RAB38: variants seen among roughly 807,000 people sequenced by gnomAD.
The protein encoded by RAB38 is RAB38, member RAS oncogene family, also known as ras-related protein Rab-38.
Under a neutral mutation model 18.4 loss-of-function variants are expected in RAB38, and 15 were observed. The observed-to-expected ratio is 0.82, with a 90% CI of 0.55 to 1.26. The LOEUF is 1.26. Ranked by LOEUF, RAB38 falls within the 50% of genes most tolerant of loss-of-function variation. The pLI is 0.00. For synonymous variants in RAB38, 101 were observed against 104.4 expected, an observed-to-expected ratio of 0.97 and a Z score of 0.20; for missense variants, 294 against 267.4, an observed-to-expected ratio of 1.10 and a Z score of -0.69.
chr11:88,029,252 C>T, the RAB38 span, among the ~76,000 whole-genome samples: 1 of 152,032 alleles, frequency 6.6e-6, no homozygotes, highest in South Asian at 2.1e-4. Flanking sequence ...AAAGGAACAA[C>T]CGGTACCAGC....
At chr11:87,871,894 A>T in the RAB38 span, among the ~76,000 whole-genome samples, 10 of 151,586 alleles carry the variant, frequency 6.6e-5, no homozygotes, top group African/African-American at 2.4e-4. Flanking sequence ...CATATTAACC[A>T]TTCTATTACT....
chr11:87,922,714 G>A, the RAB38 span, among the ~76,000 whole-genome samples: 1 of 151,746 alleles, frequency 6.6e-6, no homozygotes, highest in South Asian at 2.1e-4. Flanking sequence ...ATTTTTTTAT[G>A]CCAACAACTT....
chr11:88,012,422 G>A, the RAB38 span, among the ~76,000 whole-genome samples: 1 of 152,068 alleles, frequency 6.6e-6, no homozygotes, highest in African/African-American at 2.4e-5. Context: ...GAAGACGGTG[G>A]GAACCAAGCA....
chr11:87,804,089 G>A, the RAB38 span, among the ~76,000 whole-genome samples: 2 of 152,106 alleles, frequency 1.3e-5, no homozygotes, highest in African/African-American at 4.8e-5. Context: ...GAACCAACTA[G>A]GTTTAACTCT....
chr11:87,888,125 T>C, the RAB38 span, among the ~76,000 whole-genome samples: 4 of 152,032 alleles, frequency 2.6e-5, no homozygotes, highest in East Asian at 5.9e-4. Context: ...CTAGGACACA[T>C]AATCCTCTTC....
chr11:88,154,054 G>A (rs1056925536), intron 1 of RAB38, among the ~76,000 whole-genome samples: 2 of 152,172 alleles, frequency 1.3e-5, no homozygotes, highest in African/African-American at 4.8e-5. Context: ...TGTGAGAGAG[G>A]CAGAGAGCCT....
chr11:88,171,921 A>C (rs1943315929), intron 1 of RAB38, among the ~76,000 whole-genome samples: 1 of 152,256 alleles, frequency 6.6e-6, no homozygotes, highest in African/African-American at 2.4e-5. Context: ...AATTTTCAGA[A>C]ATAGATTTTA....
the RAB38 span, among the ~76,000 whole-genome samples, chr11:87,822,032 A>T: frequency 6.6e-6 from 1 of 152,220 alleles, no homozygotes; most frequent in East Asian, 1.9e-4. Context: ...TGCCTCTTCT[A>T]ATTACTGCAG....
the RAB38 span, among the ~76,000 whole-genome samples, chr11:87,876,649 C>G: frequency 6.6e-6 from 1 of 151,474 alleles, no homozygotes; most frequent in Admixed American, 6.6e-5. Flanking sequence ...TTCTTTAGGG[C>G]TCATGCACAT....
intron 1 of RAB38, among the ~76,000 whole-genome samples, chr11:88,165,336 C>T (rs1565221685): frequency 6.6e-6 from 1 of 152,018 alleles, no homozygotes; most frequent in East Asian, 1.9e-4. Context: ...GCTTGTTTAT[C>T]TTTTTTCTGG....
the RAB38 span, among the ~76,000 whole-genome samples, chr11:88,053,859 T>G: frequency 6.6e-6 from 1 of 151,752 alleles, no homozygotes; most frequent in African/African-American, 2.4e-5. Context: ...AATGTTTGAA[T>G]GAATAAGATG....
At chr11:87,921,203 T>G in the RAB38 span, among the ~76,000 whole-genome samples, 3 of 152,098 alleles carry the variant, frequency 2.0e-5, no homozygotes, top group African/African-American at 7.2e-5. Flanking sequence ...TGTGTAAACT[T>G]TATGATGGTG....
downstream of RAB38, among the ~76,000 whole-genome samples, chr11:88,112,929 T>C (rs553421490): frequency 2.0e-5 from 3 of 152,258 alleles, no homozygotes; most frequent in East Asian, 3.9e-4. Flanking sequence ...GGTGTCACAA[T>C]GCATATTTTA....
At chr11:87,963,214 C>T in the RAB38 span, among the ~76,000 whole-genome samples, 1 of 152,154 alleles carries the variant, frequency 6.6e-6, no homozygotes, top group Non-Finnish European at 1.5e-5. Context: ...TACAAACACT[C>T]ACATGTTGAC....
chr11:88,115,672 G>A (rs986503424), intron 2 of RAB38: 2 of 152,092 alleles, frequency 1.3e-5, no homozygotes, highest in African/African-American at 4.8e-5. Context: ...TATTGTTGTT[G>A]CTTTTTACCA....
chr11:88,081,977 T>G, the RAB38 span, among the ~76,000 whole-genome samples: 1 of 151,884 alleles, frequency 6.6e-6, no homozygotes, highest in African/African-American at 2.4e-5. Flanking sequence ...AAAGGCCTTA[T>G]GCTAAGTGAA....
At chr11:88,015,815 C>A in the RAB38 span, among the ~76,000 whole-genome samples, 2 of 152,078 alleles carry the variant, frequency 1.3e-5, no homozygotes, top group African/African-American at 4.8e-5. Flanking sequence ...GCTTTGGAGC[C>A]TTTGCATGAG....
chr11:88,004,498 AAAAACC>A, the RAB38 span, among the ~76,000 whole-genome samples: 2 of 151,302 alleles, frequency 1.3e-5, no homozygotes. Flanking sequence ...GACAACTATG[AAAAACC>A]TACAAGAAAC....
At chr11:88,053,023 TG>T in the RAB38 span, among the ~76,000 whole-genome samples, 1 of 71,876 alleles carries the variant, frequency 1.4e-5, no homozygotes, top group South Asian at 3.6e-4. Context: ...CACATATATA[TG>T]GAATATATAT....
Sources: allele counts gnomAD v4.1 joint callset (sites outside exome capture counted in the v4.1 genomes callset), GRCh38; gene constraint gnomAD v4.1.1; transcripts MANE v1.5; gene names NCBI Gene and HGNC (gene_info 2026-07-23, HGNC 2026-07-21).